Variants in RGSL1 observed in about 807,000 individuals in gnomAD.
RGSL1 encodes regulator of G protein signaling like 1, also known as regulator of G protein signaling protein-like.
In RGSL1, 97 loss-of-function variants were observed where a neutral mutation model predicts 124.7. That is an observed-to-expected ratio of 0.78 (90% CI 0.66 to 0.92). The LOEUF is 0.92. RGSL1 is among the 40% of genes least tolerant of loss of function. RGSL1 has a pLI of 0.00. For missense variants in RGSL1, 1,233 were observed against 1,288.4 expected, an observed-to-expected ratio of 0.96 and a Z score of 0.66; for synonymous variants, 424 against 438.1, an observed-to-expected ratio of 0.97 and a Z score of 0.40.
At chr1:182,454,392 T>C (rs1652111345) in intron 2 of RGSL1, among the ~76,000 whole-genome samples, 1 of 152,138 alleles carries the variant, frequency 6.6e-6, no homozygotes, top group Non-Finnish European at 1.5e-5. Flanking sequence ...TCTGAACCTC[T>C]CCTTGGGCTG....
At chr1:182,492,774 G>A (rs549278553) in intron 8 of RGSL1, among the ~76,000 whole-genome samples, 23 of 151,806 alleles carry the variant, frequency 1.5e-4, no homozygotes, top group East Asian at 1.2e-3. Flanking sequence ...GACCACAGGC[G>A]CCCGCCACCA....
chr1:182,550,801 C>A (rs533780987), intron 17 of RGSL1: 2 of 326,466 alleles, frequency 6.1e-6, no homozygotes, highest in Admixed American at 4.5e-5. Flanking sequence ...CAGGGGTTAA[C>A]CTCACCCCAG....
rs552050769 is a variant in RGSL1 at position 182,551,172 on chromosome 1, T to C, written c.3006T>C (p.Pro1002=). ...AGAAGTTCAAGGACAGAAAAAGCCCTCCTAAATCTACGGACAAGTATCCTT... is the reference window on the plus strand; with the variant it reads ...AGAAGTTCAAGGACAGAAAAAGCCCCCCTAAATCTACGGACAAGTATCCTT... The part of the protein sequence containing the change: ...RGKKFKDRKS[P]PKSTDKYPFS... Residue 1002 remains proline (P), a synonymous_variant, in exon 18 of 22, where the codon CCT becomes CCC. Transcript: ENST00000294854. 3 of 1,551,646 alleles carry C rather than the reference T, an allele frequency of 1.9e-6. No homozygotes were observed. In the East Asian group the frequency reaches 7.3e-5, roughly 38 times the overall value.
chr1:182,451,101 T>A (rs181085328), intron 1 of RGSL1, among the ~76,000 whole-genome samples: 74 of 149,594 alleles, frequency 4.9e-4, no homozygotes, highest in African/African-American at 1.7e-3. Context: ...AGTTGAGATC[T>A]TGCCACTGCA....
intron 6 of RGSL1, among the ~76,000 whole-genome samples, chr1:182,483,369 A>G (rs1419598882): frequency 6.6e-6 from 1 of 152,178 alleles, no homozygotes; most frequent in Non-Finnish European, 1.5e-5. Flanking sequence ...TTATCTTCAG[A>G]GACATCAAGT....
chr1:182,538,739 G>A (rs961764672), intron 14 of RGSL1, among the ~76,000 whole-genome samples: 5 of 152,122 alleles, frequency 3.3e-5, no homozygotes, highest in African/African-American at 1.2e-4. Context: ...CCCCGTACTT[G>A]TAACATGTTG....
upstream of RGSL1, among the ~76,000 whole-genome samples, chr1:182,448,717 C>A (rs529557903): frequency 6.6e-6 from 1 of 152,232 alleles, no homozygotes; most frequent in Non-Finnish European, 1.5e-5. Context: ...GTGCCCTTTT[C>A]TTTTGGGAAC....
intron 9 of RGSL1, among the ~76,000 whole-genome samples, chr1:182,509,807 G>T (rs1382704470): frequency 2.2e-4 from 29 of 130,264 alleles, no homozygotes; most frequent in African/African-American, 7.6e-4. Context: ...GGCTGGCCGG[G>T]CGGGGGGCTG....
intron 14 of RGSL1, among the ~76,000 whole-genome samples, chr1:182,536,271 G>A (rs957352398): frequency 1.3e-5 from 2 of 152,136 alleles, no homozygotes; most frequent in Non-Finnish European, 2.9e-5. Flanking sequence ...TCAAGCAGAA[G>A]TATTTGCATG....
chr1:182,458,123 C>T (rs1304984188), intron 2 of RGSL1, among the ~76,000 whole-genome samples, 196 bp from the exon 3 acceptor site: 2 of 152,156 alleles, frequency 1.3e-5, no homozygotes, highest in African/African-American at 2.4e-5. Context: ...ATGAGTGAAT[C>T]GTGCAATTCA....
chr1:182,474,486 T>C lies in RGSL1; in HGVS notation c.1375T>C (p.Leu459=), dbSNP rs1654128436. 2 of 1,551,416 alleles carry C rather than the reference T, an allele frequency of 1.3e-6. No individual in the cohort carries two copies. Among genetic ancestry groups the C allele is most frequent in the Non-Finnish European group, 1.7e-6 (2 of 1,146,762 alleles). Residue 459 remains leucine (L), a synonymous_variant, in exon 6 of 22, where the codon TTG becomes CTG. Coordinates refer to ENST00000294854, the MANE Select transcript of RGSL1 (RefSeq NM_001137669.2). ...SQTIQGLKEL[L]PSGDVIPWIP... ...AACCATTCAGGGCCTGAAGGAACTA[T>C]TGCCCTCTGGGGATGTGATCCCCTG...
chr1:182,537,811 T>C (rs1254566901), intron 14 of RGSL1, among the ~76,000 whole-genome samples: 1 of 152,162 alleles, frequency 6.6e-6, no homozygotes, highest in African/African-American at 2.4e-5. Flanking sequence ...TCCCCTACCC[T>C]CAAGCTTTGG....
In RGSL1 at chr1:182,472,490, C is replaced by T. The variant is rs772494502; in HGVS notation, c.396C>T (p.Leu132=). ...LEVRDYYLSL[L]LMLRATHLQE... ...TGAGAGACTACTACCTGTCCCTCCT[C>T]CTCATGCTGAGGGCCACTCATCTGC... The change falls in exon 5 of 22, where the codon CTC becomes CTT. Residue 132 remains leucine, a synonymous_variant. Coordinates refer to ENST00000294854, the MANE Select transcript of RGSL1 (RefSeq NM_001137669.2). The T allele has an allele frequency of 8.4e-6, 13 of 1,550,932 alleles. No homozygotes were observed. In the Admixed American group the frequency reaches 9.8e-5, roughly 12 times the overall value.
At chr1:182,538,157 T>A (rs977279613) in intron 14 of RGSL1, among the ~76,000 whole-genome samples, 4 of 152,208 alleles carry the variant, frequency 2.6e-5, no homozygotes, top group African/African-American at 9.6e-5. Flanking sequence ...TTGTCTGATT[T>A]TTAAAAATCG....
At chr1:182,543,862 T>C (rs1286254216) in intron 15 of RGSL1, among the ~76,000 whole-genome samples, 1 of 152,098 alleles carries the variant, frequency 6.6e-6, no homozygotes, top group Non-Finnish European at 1.5e-5. Context: ...TGTCTCTTTT[T>C]TGTTTCTGAT....
intron 9 of RGSL1, among the ~76,000 whole-genome samples, chr1:182,511,609 C>G (rs1005787327): frequency 2.0e-5 from 3 of 152,184 alleles, no homozygotes; most frequent in Non-Finnish European, 4.4e-5. Flanking sequence ...TCCCATTGGT[C>G]TATGTATCTG....
intron 15 of RGSL1, among the ~76,000 whole-genome samples, chr1:182,546,361 T>A (rs1451303572): frequency 6.7e-6 from 1 of 148,352 alleles, no homozygotes; most frequent in Non-Finnish European, 1.5e-5. Flanking sequence ...TTTTTTTTTA[T>A]GTTTTAAACT....
chr1:182,528,224 C>A (rs1162685484), intron 11 of RGSL1, among the ~76,000 whole-genome samples: 2 of 152,068 alleles, frequency 1.3e-5, no homozygotes, highest in Admixed American at 1.3e-4. Context: ...GGGGAAACCA[C>A]CCCCATGATT....
intron 9 of RGSL1, among the ~76,000 whole-genome samples, chr1:182,505,987 C>A (rs866520768): frequency 6.6e-6 from 1 of 152,020 alleles, no homozygotes; most frequent in African/African-American, 2.4e-5. Flanking sequence ...TCCTTTATTA[C>A]CTTATTGCTC....
Sources: allele counts gnomAD v4.1 joint callset (sites outside exome capture counted in the v4.1 genomes callset), GRCh38; gene constraint gnomAD v4.1.1; transcripts MANE v1.5; gene names NCBI Gene and HGNC (gene_info 2026-07-23, HGNC 2026-07-21).